Variants in TMPRSS15 observed in about 807,000 individuals in gnomAD.
The protein encoded by TMPRSS15 is transmembrane serine protease 15.
TMPRSS15 carries 128 observed loss-of-function variants against 125.3 expected under a neutral mutation model. The observed-to-expected ratio is 1.02, with a 90% CI of 0.89 to 1.18. The LOEUF is 1.18. Among genes scored for constraint, TMPRSS15 ranks in the 50% most tolerant of loss-of-function variants. The pLI, the probability that TMPRSS15 is intolerant of heterozygous loss-of-function variation, is 0.00. For missense variants in TMPRSS15, 1,283 were observed against 1,212.7 expected (o/e 1.06, Z -0.86); for synonymous variants, 446 against 423.2 (o/e 1.05, Z -0.66).
At chr21:18,345,086 C>A (rs1159977509) in intron 10 of TMPRSS15, among the ~76,000 whole-genome samples, 1 of 152,194 alleles carries the variant, frequency 6.6e-6, no homozygotes, top group Middle Eastern at 3.4e-3. Context: ...CATATTTAGA[C>A]CAGTGAGGCA....
At chr21:18,480,135 G>A (rs550406135) in intron 1 of TMPRSS15, among the ~76,000 whole-genome samples, 3 of 152,028 alleles carry the variant, frequency 2.0e-5, no homozygotes, top group African/African-American at 7.2e-5. Context: ...AACCAACACA[G>A]GAACAGAAAA....
chr21:18,354,013 C>T, intron 8 of TMPRSS15, 150 bp from the exon 9 acceptor site: 1 of 667,162 alleles, frequency 1.5e-6, no homozygotes, highest in Non-Finnish European at 2.6e-6. Context: ...AAGCATTAGT[C>T]TTACATTTGT....
intron 1 of TMPRSS15, among the ~76,000 whole-genome samples, chr21:18,462,770 G>A (rs1461246905): frequency 2.0e-5 from 3 of 151,874 alleles, no homozygotes; most frequent in Non-Finnish European, 4.4e-5. Context: ...CACCAAGGTT[G>A]AAATGAAGGA....
At chr21:18,454,420 T>G (rs570161420) in intron 1 of TMPRSS15, among the ~76,000 whole-genome samples, 2 of 152,020 alleles carry the variant, frequency 1.3e-5, no homozygotes, top group South Asian at 2.1e-4. Context: ...AGGATATATA[T>G]AGAGATATAT....
At chr21:18,408,680 A>G (rs1446498115), upstream of TMPRSS15, among the ~76,000 whole-genome samples, 1 of 152,150 alleles carries the variant, frequency 6.6e-6, no homozygotes, top group Non-Finnish European at 1.5e-5. Flanking sequence ...ATCTTTATTC[A>G]CACACAGTCT....
At chr21:18,386,542 C>G (rs1255462651) in intron 3 of TMPRSS15, among the ~76,000 whole-genome samples, 1 of 152,180 alleles carries the variant, frequency 6.6e-6, no homozygotes, top group South Asian at 2.1e-4. Flanking sequence ...GCAATACTTC[C>G]AAAAGATAGA....
chr21:18,289,941 T>C (rs1451928839), intron 21 of TMPRSS15, among the ~76,000 whole-genome samples: 1 of 152,230 alleles, frequency 6.6e-6, no homozygotes, highest in Non-Finnish European at 1.5e-5. Flanking sequence ...CATCGATTTG[T>C]ATACTTAAGT....
At chr21:18,313,712 C>T (rs1181557370) in intron 17 of TMPRSS15, among the ~76,000 whole-genome samples, 7 of 151,700 alleles carry the variant, frequency 4.6e-5, no homozygotes, top group Non-Finnish European at 8.8e-5. Context: ...GACAATTTTG[C>T]TCTTTTATGT....
intron 21 of TMPRSS15, among the ~76,000 whole-genome samples, chr21:18,286,378 T>C (rs1323518428): frequency 6.6e-6 from 1 of 152,226 alleles, no homozygotes. Context: ...ACTTCTTCCA[T>C]ACAGTCTAGA....
chr21:18,478,607 C>G (rs1377749743), intron 1 of TMPRSS15, among the ~76,000 whole-genome samples: 6 of 151,868 alleles, frequency 4.0e-5, no homozygotes, highest in African/African-American at 1.5e-4. Context: ...TACAGAGTAC[C>G]ACATGGCATT....
At chr21:18,278,867 G>T in intron 23 of TMPRSS15, 97 bp downstream of exon 23, 2 of 685,608 alleles carry the variant, frequency 2.9e-6, no homozygotes, top group Non-Finnish European at 5.1e-6. Flanking sequence ...TATAAGAATT[G>T]CAAAGATGTT....
At chr21:18,463,991 A>G (rs753404835) in intron 1 of TMPRSS15, among the ~76,000 whole-genome samples, 2 of 151,824 alleles carry the variant, frequency 1.3e-5, no homozygotes, top group African/African-American at 2.4e-5. Flanking sequence ...TGGCAAACAC[A>G]GTGAAACCCT....
intron 10 of TMPRSS15, among the ~76,000 whole-genome samples, chr21:18,352,066 T>A (rs1043017164): frequency 2.2e-4 from 17 of 76,584 alleles, no homozygotes; most frequent in African/African-American, 7.7e-4. Context: ...AATTCACAAC[T>A]TTTCACTGTT....
At chr21:18,344,225 T>A (rs1162878898) in intron 10 of TMPRSS15, among the ~76,000 whole-genome samples, 165 bp from the exon 11 acceptor site, 1 of 152,186 alleles carries the variant, frequency 6.6e-6, no homozygotes, top group Non-Finnish European at 1.5e-5. Flanking sequence ...AAGCAGTATT[T>A]TTGCCATAAC....
At chr21:18,334,969 C>T (rs567964820) in intron 13 of TMPRSS15, among the ~76,000 whole-genome samples, 2 of 152,016 alleles carry the variant, frequency 1.3e-5, no homozygotes, top group African/African-American at 4.8e-5. Context: ...CATGGGGTGC[C>T]GAGGAAGGCA....
chr21:18,472,427 T>C (rs2824841), intron 1 of TMPRSS15, among the ~76,000 whole-genome samples: 69,904 of 149,026 alleles, frequency 0.47, 17,197 homozygotes, highest in East Asian at 0.88. Context: ...GGATACATAG[T>C]AAGGGTGCAA....
intron 17 of TMPRSS15, among the ~76,000 whole-genome samples, chr21:18,313,628 C>G (rs557936771): frequency 1.0e-3 from 155 of 151,676 alleles, no homozygotes; most frequent in Non-Finnish European, 1.8e-3. Flanking sequence ...CTTAATATTT[C>G]GAGTTTAGAG....
At chr21:18,457,452 A>T (rs9983844) in intron 1 of TMPRSS15, among the ~76,000 whole-genome samples, 6,813 of 152,122 alleles carry the variant, frequency 0.045, 520 homozygotes, top group African/African-American at 0.16. Context: ...GCTGATGGGG[A>T]CTTGTCATTA....
intron 1 of TMPRSS15, among the ~76,000 whole-genome samples, chr21:18,440,390 G>GAAAA (rs2076238776): frequency 5.0e-5 from 3 of 59,550 alleles, no homozygotes; most frequent in Admixed American, 1.9e-4. Context: ...AAAAAAAAAA[G>GAAAA]AAAACTGTAG....
Sources: allele counts gnomAD v4.1 joint callset (sites outside exome capture counted in the v4.1 genomes callset), GRCh38; gene constraint gnomAD v4.1.1; transcripts MANE v1.5; gene names NCBI Gene and HGNC (gene_info 2026-07-23, HGNC 2026-07-21).